Variants in CDH13 observed in about 807,000 individuals in gnomAD.
CDH13 encodes the protein cadherin-13.
CDH13 carries 24 observed loss-of-function variants against 63.8 expected under a neutral mutation model. The ratio of observed to expected loss-of-function variants is 0.38; its 90% CI spans 0.27 to 0.53. CDH13 has a LOEUF of 0.53. Among genes scored for constraint, CDH13 ranks in the 20% least tolerant of loss-of-function variants. The probability of loss-of-function intolerance (pLI) is 0.85; values close to 1 mark genes in which losing one functional copy is unlikely to be tolerated. For missense variants in CDH13, 1,049 were observed against 903.1 expected, an observed-to-expected ratio of 1.16 and a Z score of -2.07; for synonymous variants, 503 against 355.3, an observed-to-expected ratio of 1.42 and a Z score of -4.67.
chr16:83,624,506 G>T (rs1035714927), intron 8 of CDH13, among the ~76,000 whole-genome samples: 1 of 152,216 alleles, frequency 6.6e-6, no homozygotes, highest in South Asian at 2.1e-4. Context: ...TAAGAAACGT[G>T]CAGCCTGGAT....
At chr16:82,771,580 G>C (rs2035267725) in intron 1 of CDH13, among the ~76,000 whole-genome samples, 1 of 152,230 alleles carries the variant, frequency 6.6e-6, no homozygotes, top group African/African-American at 2.4e-5. Flanking sequence ...CGGAGGCTCG[G>C]AGAGTTTCAG....
rs905218085 is a variant in CDH13 at position 83,413,914 on chromosome 16, C to T, written c.781+68908C>T. ...GGCCAAGGCAGAAAAATTGCTTGAA[C>T]CTGGGAGGTGCAGGTTGCAGTAAGC... On this transcript the variant is annotated intron_variant, in intron 6 of 13. Coordinates refer to ENST00000567109, the MANE Select transcript of CDH13 (RefSeq NM_001257.5). 3.3e-5 allele frequency among the ~76,000 whole-genome samples: 5 copies of T among 152,122 alleles called. No homozygotes were observed. In the South Asian group the frequency reaches 8.3e-4, roughly 25 times the overall value.
chr16:83,351,685 G>A (rs1476537497), intron 6 of CDH13, among the ~76,000 whole-genome samples: 1 of 152,178 alleles, frequency 6.6e-6, no homozygotes, highest in Admixed American at 6.5e-5. Context: ...GCAGAAGAGA[G>A]CTCATCTCTT....
chr16:83,016,964 G>C (rs1914867526), intron 2 of CDH13, among the ~76,000 whole-genome samples: 1 of 152,114 alleles, frequency 6.6e-6, no homozygotes, highest in South Asian at 2.1e-4. Flanking sequence ...GCGATCTTGG[G>C]ATGTGTGATG....
intron 7 of CDH13, among the ~76,000 whole-genome samples, chr16:83,538,265 T>C (rs1190642241): frequency 6.6e-6 from 1 of 152,224 alleles, no homozygotes; most frequent in Non-Finnish European, 1.5e-5. Flanking sequence ...TGGGTATGTT[T>C]AGGTTATTTC....
chr16:83,494,913 A>C (rs752681913), intron 7 of CDH13, among the ~76,000 whole-genome samples: 1 of 152,220 alleles, frequency 6.6e-6, no homozygotes, highest in Non-Finnish European at 1.5e-5. Flanking sequence ...GACATATGGC[A>C]CTATGATGTC....
chr16:82,781,994 T>A (rs1022367610), intron 1 of CDH13, among the ~76,000 whole-genome samples: 4 of 152,142 alleles, frequency 2.6e-5, no homozygotes. Flanking sequence ...ATGTCATATG[T>A]GGTAAAAGAG....
chr16:83,184,296 T>C (rs1194838798), intron 4 of CDH13, among the ~76,000 whole-genome samples: 1 of 152,144 alleles, frequency 6.6e-6, no homozygotes, highest in Non-Finnish European at 1.5e-5. Context: ...ATAATCAGCC[T>C]CTTACATTAA....
chr16:83,406,674 C>T (rs1044492317), intron 6 of CDH13, among the ~76,000 whole-genome samples: 2 of 152,132 alleles, frequency 1.3e-5, no homozygotes, highest in Non-Finnish European at 2.9e-5. Flanking sequence ...CCATATTGGT[C>T]AAGCTGGTCT....
chr16:83,496,231 G>C (rs980939825), intron 7 of CDH13, among the ~76,000 whole-genome samples: 2 of 150,804 alleles, frequency 1.3e-5, no homozygotes, highest in Admixed American at 1.3e-4. Flanking sequence ...AACAAAGCTG[G>C]AGGCATCACA....
intron 1 of CDH13, among the ~76,000 whole-genome samples, chr16:82,812,708 G>T (rs867316650): frequency 6.6e-6 from 1 of 152,104 alleles, no homozygotes; most frequent in Non-Finnish European, 1.5e-5. Context: ...GAAGTTTGGC[G>T]GCTAAAAAGG....
At chr16:83,102,881 T>C (rs954939787) in intron 3 of CDH13, among the ~76,000 whole-genome samples, 24 of 150,902 alleles carry the variant, frequency 1.6e-4, no homozygotes, top group African/African-American at 5.9e-4. Context: ...GAAGAGACAG[T>C]GAATAAAATT....
Position 82,981,405 on chromosome 16 carries a change from T to G in CDH13, c.158-50605T>G, listed in dbSNP as rs533957004. Among the ~76,000 whole-genome samples the G allele has an allele frequency of 1.1e-3, 169 of 152,214 alleles. 1 individual carries two copies. The highest frequency in any genetic ancestry group is 3.9e-3 in the African/African-American group (161 of 41,576). On this transcript the variant is annotated intron_variant, in intron 2 of 13. Transcript: ENST00000567109. ...GAAGCCCTCTCCTTGACCCCCTCCT[T>G]GGAGGGTGATGTGGTAAATCAAGTC... is the stretch of plus-strand genomic sequence containing the variant.
chr16:82,958,828 C>T (rs765574803), intron 2 of CDH13, among the ~76,000 whole-genome samples: 1 of 152,246 alleles, frequency 6.6e-6, no homozygotes, highest in Non-Finnish European at 1.5e-5. Context: ...TGCCCAAAGG[C>T]CTTCAAGTGC....
intron 7 of CDH13, among the ~76,000 whole-genome samples, chr16:83,493,413 A>G (rs919262161): frequency 1.2e-4 from 19 of 152,228 alleles, no homozygotes; most frequent in African/African-American, 4.3e-4. Flanking sequence ...TGCTGAACTC[A>G]TGGTGCTGGA....
At chr16:83,608,018 A>C (rs1266481883) in intron 8 of CDH13, among the ~76,000 whole-genome samples, 1 of 152,246 alleles carries the variant, frequency 6.6e-6, no homozygotes. Flanking sequence ...CATGGGGATT[A>C]ATAAACTCGC....
At chr16:83,698,343 G>A (rs761946423) in intron 10 of CDH13, among the ~76,000 whole-genome samples, 1 of 152,138 alleles carries the variant, frequency 6.6e-6, no homozygotes, top group Non-Finnish European at 1.5e-5. Flanking sequence ...TCCTTGGTTT[G>A]GGCCTCCCCT....
intron 7 of CDH13, among the ~76,000 whole-genome samples, chr16:83,546,268 C>CACTCTTGGCATCCCCAG (rs2075384698): frequency 1.3e-5 from 2 of 152,106 alleles, no homozygotes; most frequent in Admixed American, 6.5e-5. Flanking sequence ...TGGAGGGTGG[C>CACTCTTGGCATCCCCAG]ACTCTTGGCA....
At chr16:82,989,367 A>G (rs1165167983) in intron 2 of CDH13, among the ~76,000 whole-genome samples, 1 of 152,154 alleles carries the variant, frequency 6.6e-6, no homozygotes, top group African/African-American at 2.4e-5. Flanking sequence ...ATCTTAGCTG[A>G]CTGTGGAGGT....
Sources: gnomAD v4.1 joint callset for allele counts (sites outside exome capture counted in the v4.1 genomes callset) on GRCh38, gnomAD v4.1.1 for gene constraint, MANE v1.5 for transcripts, NCBI Gene and HGNC (gene_info 2026-07-23, HGNC 2026-07-21) for gene names.